DTX1: variants seen among roughly 807,000 people sequenced by gnomAD.
DTX1 encodes the protein E3 ubiquitin-protein ligase DTX1.
In DTX1, 26 loss-of-function variants were observed where a neutral mutation model predicts 57.8. That is an observed-to-expected ratio of 0.45 (90% CI 0.33 to 0.62). DTX1 has a LOEUF of 0.62. Ranked by LOEUF, DTX1 falls within the 20% of genes least tolerant of loss-of-function variation. The probability of loss-of-function intolerance (pLI) is 0.02; values close to 1 mark genes in which losing one functional copy is unlikely to be tolerated. For missense variants in DTX1, 704 were observed against 895.3 expected (o/e 0.79, Z 2.73); for synonymous variants, 398 against 394.1 (o/e 1.01, Z -0.12).
At chr12:113,096,080 CT>C (rs1473509037) in intron 9 of DTX1, among the ~76,000 whole-genome samples, 2 of 152,016 alleles carry the variant, frequency 1.3e-5, no homozygotes, top group Non-Finnish European at 2.9e-5. Context: ...TGGAGTGCGC[CT>C]GTAGTCCCAG....
intron 9 of DTX1, 34 bp from the exon 10 acceptor site, chr12:113,096,681 T>TCCTC: frequency 6.4e-7 from 1 of 1,574,772 alleles, no homozygotes; most frequent in Non-Finnish European, 8.6e-7. Flanking sequence ...GCCTGTGACC[T>TCCTC]CCTCCCGGCC....
At chr12:113,086,724 C>T (rs1332209428) in intron 3 of DTX1, among the ~76,000 whole-genome samples, 1 of 152,036 alleles carries the variant, frequency 6.6e-6, no homozygotes, top group Non-Finnish European at 1.5e-5. Context: ...TTTCTTTCTC[C>T]AGATCTTCCA....
intron 2 of DTX1, among the ~76,000 whole-genome samples, chr12:113,066,607 CCT>C (rs1308997560): frequency 1.3e-5 from 2 of 151,994 alleles, no homozygotes; most frequent in East Asian, 1.9e-4. Context: ...AGCCTCTGAG[CCT>C]CTGTTTCCTC....
Position 113,057,884 on chromosome 12 carries a change from A to G in DTX1, c.-309A>G, listed in dbSNP as rs541926846. The G allele has an allele frequency of 1.0e-4, 38 of 376,012 alleles. 1 individual carries two copies. The highest frequency in any genetic ancestry group is 9.7e-4 in the South Asian group (22 of 22,576). 23.3% of individuals were successfully genotyped at this position (376,012 alleles called of 1,614,324 possible). ...AACAGGGGCGGCTGCCTCACTCCCT[A>G]CCTGAGCCAGCCGAGGGGGCCAAGG... On this transcript the variant is annotated 5_prime_UTR_variant, in exon 2 of 10. Coordinates refer to ENST00000548759, the MANE Select transcript of DTX1 (RefSeq NM_004416.3).
chr12:113,066,670 CTATT>C lies in DTX1; in HGVS notation c.259+8220_259+8223del, dbSNP rs371460381. On this transcript the variant is annotated intron_variant, in intron 2 of 9. Transcript: ENST00000548759. ...TACTGAACTTGTGTGATTGTGGTCA[CTATT>C]CATTCATTCATCAGGAGTTTCATGA... 9.0e-3 allele frequency among the ~76,000 whole-genome samples: 1,364 copies of C among 152,224 alleles called. 6 individuals are homozygous for C. The highest frequency in any genetic ancestry group is 0.013 in the Non-Finnish European group (886 of 68,012).
At chr12:113,085,397 A>G (rs1248706096) in intron 3 of DTX1, among the ~76,000 whole-genome samples, 5 of 152,162 alleles carry the variant, frequency 3.3e-5, no homozygotes, top group Admixed American at 3.3e-4. Context: ...CATCTCTATC[A>G]GATTTGTACA....
intron 3 of DTX1, among the ~76,000 whole-genome samples, chr12:113,085,078 C>A (rs2044846699): frequency 6.7e-6 from 1 of 148,392 alleles, no homozygotes; most frequent in Admixed American, 6.7e-5. Flanking sequence ...TAGATGGAGT[C>A]TCACTTTGTT....
In DTX1 at chr12:113,095,220, C is replaced by T. The variant is rs762979797; in HGVS notation, c.1548+17C>T. ...GGCATCCAGGTGGGCTCCCCTTCCG[C>T]CTCTCTGGCCCCCAGCCCCCACACC... On this transcript the variant is annotated intron_variant, in intron 8 of 9. Transcript: ENST00000548759. The T allele has an allele frequency of 4.4e-6, 7 of 1,604,230 alleles. No homozygotes were observed. In the African/African-American group the frequency reaches 8.0e-5, roughly 18 times the overall value.
In DTX1 at chr12:113,087,272, G is replaced by T. The variant is rs117591489; in HGVS notation, c.942-5890G>T. Among the ~76,000 whole-genome samples, 717 of 152,316 alleles carry T rather than the reference G, an allele frequency of 4.7e-3. 2 individuals carry two copies. The highest frequency in any genetic ancestry group is 7.3e-3 in the Non-Finnish European group (495 of 68,030). On this transcript the variant is annotated intron_variant, in intron 3 of 9. Transcript: ENST00000548759. ...GGGGTCTAGAAGACAGAAGTAAGGGGTCCCATTTCACAGAGGGGACACTGA... is the reference window on the plus strand; with the variant it reads ...GGGGTCTAGAAGACAGAAGTAAGGGTTCCCATTTCACAGAGGGGACACTGA...
rs1950275281 is a variant in DTX1, at chr12:113,094,859, T to C, written c.1298T>C (p.Val433Ala). The C allele has an allele frequency of 1.9e-6, 3 of 1,613,796 alleles. No homozygotes were observed. Among genetic ancestry groups the C allele is most frequent in the Non-Finnish European group, 2.5e-6 (3 of 1,180,000 alleles). The change falls in exon 7 of 10, where the codon GTG becomes GCG. Residue 433 changes from valine (V) to alanine (A), a missense_variant. By Grantham distance (64) the Val-to-Ala change is moderately conservative (BLOSUM62 0). Transcript: ENST00000548759. Reference protein sequence around the residue: ...GYEGVLRHKGVRPELVGRLGR... With the variant: ...GYEGVLRHKGARPELVGRLGR... ...GAGGGCGTGCTTCGGCACAAGGGCG[T>C]GCGGCCTGAGCTCGTGGGCCGCCTG...
chr12:113,079,513 C>CTTTTT (rs2044799906), intron 3 of DTX1, among the ~76,000 whole-genome samples: 3 of 103,358 alleles, frequency 2.9e-5, no homozygotes, highest in African/African-American at 1.5e-4. Context: ...TTGGCCACTT[C>CTTTTT]TCTTTTTTTT....
At chr12:113,067,813 C>T (rs1392422349) in intron 2 of DTX1, among the ~76,000 whole-genome samples, 2 of 152,116 alleles carry the variant, frequency 1.3e-5, no homozygotes, top group African/African-American at 4.8e-5. Context: ...AGGAGGATCA[C>T]TTGAGCACAG....
At chr12:113,083,457 T>G (rs1027398449) in intron 3 of DTX1, among the ~76,000 whole-genome samples, 2 of 152,100 alleles carry the variant, frequency 1.3e-5, no homozygotes, top group Non-Finnish European at 2.9e-5. Flanking sequence ...TCCCAAGTAG[T>G]GGAGATTACA....
At chr12:113,057,192 G>C (rs1298881403) in intron 1 of DTX1, among the ~76,000 whole-genome samples, 1 of 151,970 alleles carries the variant, frequency 6.6e-6, no homozygotes, top group Admixed American at 6.5e-5. Context: ...GGCAGGGCGA[G>C]GGCCCCGGGG....
intron 2 of DTX1, among the ~76,000 whole-genome samples, chr12:113,067,653 G>GATGCCAACAA (rs2044713000): frequency 6.6e-6 from 1 of 152,210 alleles, no homozygotes; most frequent in South Asian, 2.1e-4. Context: ...CCTGCTCACT[G>GATGCCAACAA]TTGCCAAGGA....
rs533892089 is a variant in DTX1 at position 113,093,451 on chromosome 12, C to G, written c.1004-88C>G. On this transcript the variant is annotated intron_variant, in intron 4 of 9. Transcript: ENST00000548759. This position sits in a 1 kb window ranked among gnomAD's most constrained non-coding sequence, Gnocchi z 4.2. ...CCAAGAGCGCAACCCTCCCACCCAC[C>G]CGAGGGCCCCGGGATTCCCAGGGCC... The G allele has an allele frequency of 3.2e-5, 38 of 1,187,746 alleles. No individual in the cohort carries two copies. In the East Asian group the frequency reaches 7.0e-4, roughly 22 times the overall value. The allele number at this position is 1,187,746 out of a possible 1,614,324, so 73.6% of individuals were successfully genotyped here. A position where few individuals can be genotyped will look rare whatever the true frequency, so the allele number is the denominator to read the frequency against.
At position 113,058,100 on chromosome 12, in the gene DTX1, C is replaced by T; in HGVS notation, c.-93C>T. On this transcript the variant is annotated 5_prime_UTR_variant, in exon 2 of 10. Coordinates refer to ENST00000548759, the MANE Select transcript of DTX1 (RefSeq NM_004416.3). ...GAGGCCAGACGGTCCTTGCTGTCCC[C>T]CTGGGGAGAGAGGAAGTTGCCGCCT... The T allele has an allele frequency of 1.4e-6, 2 of 1,460,564 alleles. No individual in the cohort carries two copies. The highest frequency in any genetic ancestry group is 1.4e-5 in the African/African-American group (1 of 70,420). The allele number at this position is 1,460,564 out of a possible 1,614,324, so 90.5% of individuals were successfully genotyped here. A position where few individuals can be genotyped will look rare whatever the true frequency, so the allele number is the denominator to read the frequency against.
chr12:113,072,872 G>A (rs2044746478), intron 2 of DTX1, among the ~76,000 whole-genome samples: 1 of 151,674 alleles, frequency 6.6e-6, no homozygotes, highest in Non-Finnish European at 1.5e-5. Flanking sequence ...CCTGGCTAAT[G>A]TTTGTATTTT....
At position 113,077,557 on chromosome 12, in the gene DTX1, C is replaced by T. The variant is rs142162510; in HGVS notation, c.393C>T (p.Asn131=). 15 of 1,613,892 alleles carry T rather than the reference C, an allele frequency of 9.3e-6. No homozygotes were observed. In the African/African-American group the frequency reaches 1.1e-4, roughly 11 times the overall value. Residue 131 remains asparagine, a synonymous_variant, in exon 3 of 10, where the codon AAC becomes AAT. Transcript: ENST00000548759. The surrounding 1 kb of genome is among the most constrained non-coding windows in gnomAD (Gnocchi z 7.8). ...YDMDICITIQ[N]AYEKQHPWLD... ...TGGACATCTGCATCACCATCCAGAA[C>T]GCCTACGAGAAGCAGCACCCGTGGC...
Sources: allele counts gnomAD v4.1 joint callset (sites outside exome capture counted in the v4.1 genomes callset), GRCh38; gene constraint gnomAD v4.1.1; non-coding constraint Gnocchi (gnomAD v3.1); transcripts MANE v1.5; gene names NCBI Gene and HGNC (gene_info 2026-07-23, HGNC 2026-07-21).